Variants in NOSTRIN observed in about 807,000 individuals in gnomAD.
NOSTRIN encodes nitric oxide synthase trafficking, also known as BM247 homolog.
NOSTRIN carries 63 observed loss-of-function variants against 59.0 expected under a neutral mutation model. The ratio of observed to expected loss-of-function variants is 1.07; its 90% CI spans 0.87 to 1.32. The LOEUF (loss-of-function observed/expected upper bound fraction) is 1.32, where lower values mean the gene tolerates loss of function less well. Among genes scored for constraint, NOSTRIN ranks in the 40% most tolerant of loss-of-function variants. The probability of loss-of-function intolerance (pLI) is 0.00; values close to 1 mark genes in which losing one functional copy is unlikely to be tolerated. For missense variants in NOSTRIN, 512 were observed against 473.1 expected (o/e 1.08, Z -0.76); for synonymous variants, 200 against 165.4 (o/e 1.21, Z -1.61).
Position 168,845,284 on chromosome 2 carries a change from G to T in NOSTRIN, c.630+2167G>T, listed in dbSNP as rs956132208. Among the ~76,000 whole-genome samples, 3 of 152,274 alleles carry T rather than the reference G, an allele frequency of 2.0e-5. No homozygotes were observed. The South Asian group carries it at 6.2e-4, about 32-fold the overall frequency. On this transcript the variant is annotated intron_variant, in intron 8 of 15. Coordinates refer to ENST00000317647, the MANE Select transcript of NOSTRIN (RefSeq NM_001039724.4). Reference sequence around the variant, plus strand: ...CTCATCACTTCCTGATGAAGCCGTGGTCTTTCCACTGAGGTCAGCTTCCTT... The same window carrying T: ...CTCATCACTTCCTGATGAAGCCGTGTTCTTTCCACTGAGGTCAGCTTCCTT...
chr2:168,837,195 A>G (rs1687776094), intron 7 of NOSTRIN, among the ~76,000 whole-genome samples: 1 of 151,714 alleles, frequency 6.6e-6, no homozygotes, highest in African/African-American at 2.4e-5. Context: ...GAGTAAAGAA[A>G]GTTACAGGAA....
At chr2:168,802,705 G>A (rs768865969) in intron 1 of NOSTRIN, 32 bp downstream of exon 1, 14 of 866,454 alleles carry the variant, frequency 1.6e-5, no homozygotes, top group Non-Finnish European at 2.6e-5. Context: ...GTGTGCCTGC[G>A]TGTGAGGAGG....
intron 15 of NOSTRIN, among the ~76,000 whole-genome samples, 159 bp downstream of exon 15, chr2:168,862,208 A>G (rs1488282684): frequency 6.6e-6 from 1 of 152,266 alleles, no homozygotes; most frequent in Non-Finnish European, 1.5e-5. Context: ...AGCTCGCATA[A>G]TGATAATAGC....
chr2:168,796,190 G>A (rs574774638), upstream of NOSTRIN, among the ~76,000 whole-genome samples: 1 of 152,200 alleles, frequency 6.6e-6, no homozygotes, highest in Non-Finnish European at 1.5e-5. Context: ...GTGACAACAG[G>A]GAACGCTGCT....
intron 10 of NOSTRIN, among the ~76,000 whole-genome samples, chr2:168,851,902 A>T (rs775678997): frequency 1.3e-4 from 20 of 152,146 alleles, no homozygotes; most frequent in Non-Finnish European, 2.6e-4. Context: ...GTTGGGCTGC[A>T]GACATCTCCA....
chr2:168,787,840 A>C (rs1685245049), intron 1 of NOSTRIN: 1 of 150,474 alleles, frequency 6.6e-6, no homozygotes. Context: ...TGTGATTTTC[A>C]TTTTTTTTAA....
chr2:168,804,727 A>G (rs1685758603), intron 1 of NOSTRIN, among the ~76,000 whole-genome samples: 1 of 152,162 alleles, frequency 6.6e-6, no homozygotes, highest in African/African-American at 2.4e-5. Context: ...CAATGTACCC[A>G]TGTATGGAAC....
rs77213827 is a variant in NOSTRIN, at chr2:168,805,789, A to G, written c.27+3116A>G. 6.6e-5 allele frequency among the ~76,000 whole-genome samples: 10 copies of G among 152,258 alleles called. No individual in the cohort carries two copies. The East Asian group carries it at 1.7e-3, about 26-fold the overall frequency. ...GGTGGCTTAGCCTGGATATCAGACA[A>G]TGACTGTCACTAACTCAGATGGTGC... On this transcript the variant is annotated intron_variant, in intron 1 of 15. Transcript: ENST00000317647.
intron 7 of NOSTRIN, among the ~76,000 whole-genome samples, chr2:168,837,212 T>C (rs951406608): frequency 3.9e-5 from 6 of 151,928 alleles, no homozygotes; most frequent in African/African-American, 1.5e-4. Context: ...GGAACACTTA[T>C]TTATGGGGTC....
At chr2:168,860,669 TAA>T (rs71003061) in intron 13 of NOSTRIN, 124 bp from the exon 14 acceptor site, 174 of 552,016 alleles carry the variant, frequency 3.2e-4, no homozygotes, top group Middle Eastern at 5.1e-4. Context: ...AGACTCTGTC[TAA>T]AAAAAAAAAA....
intron 2 of NOSTRIN, among the ~76,000 whole-genome samples, chr2:168,792,326 AT>A (rs572616195): frequency 1.7e-3 from 256 of 152,284 alleles, no homozygotes; most frequent in African/African-American, 6.0e-3. Context: ...AAAGAAAAAA[AT>A]GCATTAAATA....
chr2:168,789,595 C>T lies in NOSTRIN; in HGVS notation c.-473+1547C>T, dbSNP rs113749579. ...GTGGGGACAGAGATCCAAACCGTAT[C>T]AGCTGGAGTGTGCCTCCTATTGATT... On this transcript the variant is annotated intron_variant, in intron 2 of 20. Coordinates refer to the NOSTRIN transcript ENST00000458381. Among the ~76,000 whole-genome samples the T allele has an allele frequency of 8.9e-3, 1,363 of 152,308 alleles. 28 individuals are homozygous for T. The highest frequency in any genetic ancestry group is 0.03 in the African/African-American group (1,240 of 41,570).
At chr2:168,863,719 A>G (rs1689640251) in intron 15 of NOSTRIN, 2 of 907,408 alleles carry the variant, frequency 2.2e-6, no homozygotes, top group African/African-American at 1.8e-5. Context: ...ATGCAGAGAC[A>G]TTGTCTTGAT....
At chr2:168,826,612 A>C (rs1348972642) in intron 3 of NOSTRIN, among the ~76,000 whole-genome samples, 2 of 152,198 alleles carry the variant, frequency 1.3e-5, no homozygotes, top group Admixed American at 1.3e-4. Context: ...CTCCATTCAG[A>C]CACAGACTGA....
At chr2:168,864,467 G>A (rs1689723665) in intron 15 of NOSTRIN, among the ~76,000 whole-genome samples, 1 of 148,966 alleles carries the variant, frequency 6.7e-6, no homozygotes, top group Non-Finnish European at 1.5e-5. Context: ...TGTATTTTTA[G>A]CAGAGAAGGG....
intron 2 of NOSTRIN, among the ~76,000 whole-genome samples, chr2:168,820,110 C>T (rs181645559): frequency 6.6e-6 from 1 of 152,320 alleles, no homozygotes; most frequent in African/African-American, 2.4e-5. Context: ...ACTTCTCCCA[C>T]AATTCTCCAT....
chr2:168,848,613 G>A lies in NOSTRIN; in HGVS notation c.631-2471G>A, dbSNP rs116347880. ...CATGGAATATTATTCAGCCAAAAAG[G>A]AAGGGAATTCTGGCACATGCTACAA... is the stretch of plus-strand genomic sequence containing the variant. On this transcript the variant is annotated intron_variant, in intron 8 of 15. Transcript: ENST00000317647. Among the ~76,000 whole-genome samples the A allele has an allele frequency of 3.0e-3, 456 of 152,320 alleles. 2 individuals are homozygous for A. Among genetic ancestry groups the A allele is most frequent in the Non-Finnish European group, 5.4e-3 (365 of 68,038 alleles).
At chr2:168,863,921 T>C (rs370817862) in intron 15 of NOSTRIN, among the ~76,000 whole-genome samples, 3 of 152,232 alleles carry the variant, frequency 2.0e-5, no homozygotes, top group African/African-American at 4.8e-5. Context: ...TTTTTTATTT[T>C]TTTTTTTGAG....
At chr2:168,840,202 T>C (rs1687990941) in intron 7 of NOSTRIN, among the ~76,000 whole-genome samples, 3 of 151,990 alleles carry the variant, frequency 2.0e-5, no homozygotes. Flanking sequence ...CTTGAGTTTC[T>C]ACAGACACAT....
Sources: allele counts gnomAD v4.1 joint callset (sites outside exome capture counted in the v4.1 genomes callset), GRCh38; gene constraint gnomAD v4.1.1; transcripts MANE v1.5; gene names NCBI Gene and HGNC (gene_info 2026-07-23, HGNC 2026-07-21).